Variants in ATP13A5 observed in about 807,000 individuals in gnomAD.
The protein encoded by ATP13A5 is ATPase 13A5, also known as probable cation-transporting ATPase 13A5.
Under a neutral mutation model 150.2 loss-of-function variants are expected in ATP13A5, and 149 were observed. The observed-to-expected ratio is 0.99, with a 90% CI of 0.87 to 1.14. The LOEUF is 1.14. Ranked by LOEUF, ATP13A5 falls within the 50% of genes most tolerant of loss-of-function variation. The pLI, the probability that ATP13A5 is intolerant of heterozygous loss-of-function variation, is 0.00. For missense variants in ATP13A5, 1,383 were observed against 1,449.3 expected, an observed-to-expected ratio of 0.95 and a Z score of 0.74; for synonymous variants, 497 against 522.2, an observed-to-expected ratio of 0.95 and a Z score of 0.66.
At position 193,351,143 on chromosome 3, in the gene ATP13A5, C is replaced by T; in HGVS notation, c.665G>A (p.Gly222Asp). 1.2e-6 allele frequency: 2 copies of T among 1,613,726 alleles called. No individual in the cohort carries two copies. Among genetic ancestry groups the T allele is most frequent in the Non-Finnish European group, 1.7e-6 (2 of 1,179,764 alleles). The change falls in exon 7 of 30, where the codon GGT becomes GAT. Residue 222 changes from glycine to aspartate, a missense_variant. Coordinates refer to ENST00000342358, the MANE Select transcript of ATP13A5 (RefSeq NM_198505.4). ...AFTLTLWLSQ[G>D]YIEYSVAIII... ...GATGGCCACAGAGTATTCTATGTAA[C>T]CTTGAGACAGCCACAAAGTTAGGGT...
At chr3:193,353,782 A>G (rs776290913) in intron 6 of ATP13A5, among the ~76,000 whole-genome samples, 56 of 152,170 alleles carry the variant, frequency 3.7e-4, no homozygotes, top group Non-Finnish European at 7.5e-4. Flanking sequence ...CCCAGCCTCT[A>G]AAACTGTGGG....
intron 9 of ATP13A5, among the ~76,000 whole-genome samples, chr3:193,342,899 C>T (rs1192069346): frequency 1.3e-5 from 2 of 152,142 alleles, no homozygotes; most frequent in Admixed American, 1.3e-4. Context: ...GATACTATGG[C>T]AACATTCTGG....
chr3:193,289,517 C>G (rs901450483), intron 26 of ATP13A5, among the ~76,000 whole-genome samples: 1 of 152,116 alleles, frequency 6.6e-6, no homozygotes, highest in African/African-American at 2.4e-5. Flanking sequence ...TGCTTTTGTG[C>G]TGCAACAGTG....
intron 25 of ATP13A5, among the ~76,000 whole-genome samples, chr3:193,290,656 G>T (rs1029883685): frequency 9.2e-5 from 14 of 152,080 alleles, no homozygotes; most frequent in African/African-American, 2.7e-4. Flanking sequence ...TTAAGAAAAA[G>T]AACTCATGAA....
chr3:193,325,761 T>G (rs1004173624), intron 13 of ATP13A5, among the ~76,000 whole-genome samples: 6 of 152,226 alleles, frequency 3.9e-5, no homozygotes, highest in Non-Finnish European at 8.8e-5. Flanking sequence ...TGTTTTTCTC[T>G]TTGATAATAC....
chr3:193,307,451 CAT>C (rs769339988), intron 21 of ATP13A5, 82 bp from the exon 22 acceptor site: 7 of 1,537,656 alleles, frequency 4.6e-6, no homozygotes, highest in Non-Finnish European at 6.3e-6. Flanking sequence ...AACTAAGTCA[CAT>C]GTGATTTGTG....
intron 5 of ATP13A5, 34 bp from the exon 6 acceptor site, chr3:193,354,230 C>G (rs752457903): frequency 6.3e-7 from 1 of 1,585,902 alleles, no homozygotes; most frequent in Non-Finnish European, 8.6e-7. Flanking sequence ...AGTGTCATAG[C>G]TACAAGCACA....
intron 1 of ATP13A5, among the ~76,000 whole-genome samples, chr3:193,375,719 T>A (rs1713617105): frequency 6.6e-6 from 1 of 151,920 alleles, no homozygotes; most frequent in South Asian, 2.1e-4. Flanking sequence ...CCCAGGACAG[T>A]AAGCACTACC....
intron 24 of ATP13A5, among the ~76,000 whole-genome samples, chr3:193,299,918 T>C (rs1174211659): frequency 6.6e-6 from 1 of 152,184 alleles, no homozygotes; most frequent in African/African-American, 2.4e-5. Context: ...ACCAGATTTA[T>C]GCACATGGAA....
rs772876077 is a variant in ATP13A5, at chr3:193,354,193, T to A, written c.540A>T (p.Arg180Ser). The change falls in exon 6 of 30, where the codon AGA becomes AGT. Residue 180 changes from arginine (R) to serine (S), a missense_variant. This residue lies in a region of ATP13A5 where 787 missense variants were observed against 771.9 expected (regional missense o/e 1.02). Transcript: ENST00000342358. ...CAATGGCGTTGGGCCCACACACTAA[T>A]CTTCTGCGGGAAATTGATCATCCAT... ...GLTSEEQEVRRLVCGPNAIEV... is the reference protein window; with the variant it reads ...GLTSEEQEVRSLVCGPNAIEV... 7 of 1,611,150 alleles carry A rather than the reference T, an allele frequency of 4.3e-6. No homozygotes were observed. The South Asian group carries it at 6.7e-5, about 15-fold the overall frequency.
At chr3:193,317,733 T>G (rs980383662) in intron 17 of ATP13A5, among the ~76,000 whole-genome samples, 1 of 152,136 alleles carries the variant, frequency 6.6e-6, no homozygotes, top group Admixed American at 6.5e-5. Context: ...TTCCTGATAT[T>G]CCCCAAAAAA....
At chr3:193,337,115 T>C (rs1001860564) in intron 9 of ATP13A5, among the ~76,000 whole-genome samples, 4 of 152,204 alleles carry the variant, frequency 2.6e-5, no homozygotes, top group Admixed American at 2.6e-4. Context: ...TTGTTGGCGT[T>C]CTTTGTAGAT....
chr3:193,285,056 C>G lies in ATP13A5; in HGVS notation c.3084G>C (p.Trp1028Cys). The G allele has an allele frequency of 6.2e-7, 1 of 1,613,980 alleles. No homozygotes were observed. The highest frequency in any genetic ancestry group is 8.5e-7 in the Non-Finnish European group (1 of 1,179,950). ...CAGGAATCAGAGTTGCATTTCCAGT[C>G]CAGTTTCTTTCCAAACTCACATTTG... is the stretch of plus-strand genomic sequence containing the variant. ...FSTNVSLERN[W>C]TGNATLIPGS... Residue 1028 changes from tryptophan to cysteine, a missense_variant, in exon 27 of 30, where the codon TGG becomes TGC. Physicochemically the swap from Trp to Cys is radical, Grantham distance 215 (BLOSUM62 -2). This residue lies in a region of ATP13A5 where 568 missense variants were observed against 621.5 expected (regional missense o/e 0.91). Coordinates refer to ENST00000342358, the MANE Select transcript of ATP13A5 (RefSeq NM_198505.4).
intron 6 of ATP13A5, among the ~76,000 whole-genome samples, 155 bp from the exon 7 acceptor site, chr3:193,351,356 G>A (rs903918774): frequency 2.0e-5 from 3 of 152,154 alleles, no homozygotes; most frequent in African/African-American, 7.2e-5. Context: ...GATTTGGGTT[G>A]AGAAAATGTC....
intron 9 of ATP13A5, among the ~76,000 whole-genome samples, chr3:193,339,031 T>C (rs1369133453): frequency 3.3e-5 from 5 of 152,224 alleles, no homozygotes; most frequent in Non-Finnish European, 7.3e-5. Context: ...TAGAGGTGTT[T>C]ATAGTATTCT....
chr3:193,319,181 G>T, intron 16 of ATP13A5, 73 bp from the exon 17 acceptor site: 1 of 1,064,770 alleles, frequency 9.4e-7, no homozygotes, highest in Non-Finnish European at 1.4e-6. Context: ...CCAGGACACA[G>T]CCATTGTACC....
chr3:193,275,001 A>G lies in ATP13A5; in HGVS notation c.*41T>C, dbSNP rs774225993. The stretch of plus-strand genomic sequence containing the variant: ...TCTCCACAATGTGTTAATTTTGGGG[A>G]AAAAAGCAATGCTGTTGAGCATGTA... On this transcript the variant is annotated 3_prime_UTR_variant, in exon 30 of 30. Coordinates refer to ENST00000342358, the MANE Select transcript of ATP13A5 (RefSeq NM_198505.4). The G allele has an allele frequency of 1.9e-5, 30 of 1,604,110 alleles. No homozygotes were observed. Among genetic ancestry groups the G allele is most frequent in the Middle Eastern group, 3.3e-4 (2 of 6,016 alleles).
At chr3:193,328,328 G>A (rs773984670) in intron 12 of ATP13A5, among the ~76,000 whole-genome samples, 2 of 152,202 alleles carry the variant, frequency 1.3e-5, no homozygotes, top group Non-Finnish European at 2.9e-5. Context: ...TAACACACGA[G>A]TGAATTATTT....
intron 5 of ATP13A5, among the ~76,000 whole-genome samples, chr3:193,358,862 G>C (rs963172418): frequency 6.6e-6 from 1 of 152,138 alleles, no homozygotes; most frequent in Admixed American, 6.5e-5. Context: ...CAAAGAAACC[G>C]AGTGCAGGAT....
Sources: allele counts gnomAD v4.1 joint callset (sites outside exome capture counted in the v4.1 genomes callset), GRCh38; gene constraint gnomAD v4.1.1; regional missense constraint gnomAD v4.1.1; transcripts MANE v1.5; gene names NCBI Gene and HGNC (gene_info 2026-07-23, HGNC 2026-07-21).